The following CFD variants were observed in gnomAD, a reference collection of about 807,000 sequenced individuals.
The protein encoded by CFD is C3 convertase activator.
Under a neutral mutation model 21.1 loss-of-function variants are expected in CFD, and 24 were observed. The observed-to-expected ratio is 1.14, with a 90% CI of 0.82 to 1.60. CFD has a LOEUF of 1.60. CFD is among the 40% of genes most tolerant of loss of function. The pLI is 0.00. For missense variants in CFD, 535 were observed against 383.3 expected (o/e 1.40, Z -3.31); for synonymous variants, 242 against 175.9 (o/e 1.38, Z -2.97).
chr19:863,037 C>T (rs1228883372), intron 4 of CFD, 55 bp from the exon 5 acceptor site: 8 of 1,466,788 alleles, frequency 5.5e-6, no homozygotes, highest in African/African-American at 2.8e-5. Flanking sequence ...GGGTCTAACA[C>T]GTGAGGCCGG....
chr19:860,042 A>G (rs1283126154), intron 1 of CFD, among the ~76,000 whole-genome samples: 2 of 152,036 alleles, frequency 1.3e-5, no homozygotes, highest in Non-Finnish European at 2.9e-5. Context: ...CTTATGTCCA[A>G]CTGGAAGGCA....
At position 863,453 on chromosome 19, in the gene CFD, A is replaced by G; in HGVS notation, c.*215A>G. 1 of 611,604 alleles carries G rather than the reference A, an allele frequency of 1.6e-6. No individual in the cohort carries two copies. Among genetic ancestry groups the G allele is most frequent in the Non-Finnish European group, 2.9e-6 (1 of 342,504 alleles). 37.9% of individuals were successfully genotyped at this position (611,604 alleles called of 1,614,324 possible). On this transcript the variant is annotated 3_prime_UTR_variant, in exon 5 of 5. Coordinates refer to ENST00000327726, the MANE Select transcript of CFD (RefSeq NM_001928.4). ...AAATAAATAAAAAATTAGCTGGGCAATTGGCGGGCATGGAGGTGGGTGCTT... is the reference window on the plus strand; with the variant it reads ...AAATAAATAAAAAATTAGCTGGGCAGTTGGCGGGCATGGAGGTGGGTGCTT...
Position 863,203 on chromosome 19 carries a change from A to C in CFD, c.727A>C (p.Ser243Arg). 1 of 1,541,406 alleles carries C rather than the reference A, an allele frequency of 6.5e-7. No homozygotes were observed. The highest frequency in any genetic ancestry group is 8.7e-7 in the Non-Finnish European group (1 of 1,149,430). The change falls in exon 5 of 5, where the codon AGC becomes CGC. Residue 243 changes from serine (S) to arginine (R), a missense_variant. Physicochemically the swap from Ser to Arg is moderately radical, Grantham distance 110. Coordinates refer to ENST00000327726, the MANE Select transcript of CFD (RefSeq NM_001928.4). Reference sequence around the variant, plus strand: ...GCCCGGGATCTACACCCGCGTGGCGAGCTATGCGGCCTGGATCGACAGCGT... The same window carrying C: ...GCCCGGGATCTACACCCGCGTGGCGCGCTATGCGGCCTGGATCGACAGCGT... ...KKPGIYTRVA[S>R]YAAWIDSVLA
chr19:859,693 C>T lies in CFD; in HGVS notation c.4C>T (p.His2Tyr), dbSNP rs979752274. The change falls in exon 1 of 5, where the codon CAC becomes TAC. Residue 2 changes from histidine (H) to tyrosine (Y), a missense_variant. Transcript: ENST00000327726. M[H>Y]SWERLAVLVL... ...TCTCAGCCACAGCGGCTTCACCATG[C>T]ACAGCTGGGAGCGCCTGGCAGTTCT... The T allele has an allele frequency of 3.7e-5, 58 of 1,569,122 alleles. No homozygotes were observed. The highest frequency in any genetic ancestry group is 5.0e-5 in the Non-Finnish European group (58 of 1,157,540).
In CFD at chr19:862,049, G is replaced by A. The variant is rs1418896380; in HGVS notation, c.615+93G>A. On this transcript the variant is annotated intron_variant, in intron 4 of 4. Coordinates refer to ENST00000327726, the MANE Select transcript of CFD (RefSeq NM_001928.4). Reference sequence around the variant, plus strand: ...CGAAGCGGGGGGCAAGTAGGAACAGGGCCCAGGGAAGGGGCGGGGCGCGTA... The same window carrying A: ...CGAAGCGGGGGGCAAGTAGGAACAGAGCCCAGGGAAGGGGCGGGGCGCGTA... The A allele has an allele frequency of 1.5e-5, 22 of 1,474,106 alleles. No homozygotes were observed. The East Asian group carries it at 3.0e-4, about 20-fold the overall frequency. 91.3% of individuals were successfully genotyped at this position (1,474,106 alleles called of 1,614,324 possible).
chr19:860,781 C>A lies in CFD; in HGVS notation c.212+8C>A. 6.4e-7 allele frequency: 1 copy of A among 1,562,838 alleles called. No homozygotes were observed. Among genetic ancestry groups the A allele is most frequent in the Non-Finnish European group, 8.6e-7 (1 of 1,163,030 alleles). On this transcript the variant is annotated splice_region_variant and intron_variant, in intron 2 of 4. Transcript: ENST00000327726. ...GCACTGCCTGGAGGACGCGTGAGTG[C>A]CCGCGCCGCGCGGGGGAAGAGCCCG...
Position 860,687 on chromosome 19 carries a change from G to T in CFD, c.126G>T (p.Ser42=), listed in dbSNP as rs960301536. The change falls in exon 2 of 5, where the codon TCG becomes TCT. Residue 42 remains serine, a synonymous_variant. Coordinates refer to ENST00000327726, the MANE Select transcript of CFD (RefSeq NM_001928.4). ...CGCACGCGCGGCCCTACATGGCGTC[G>T]GTGCAGCTGAACGGCGCGCACCTGT... ...AEAHARPYMA[S]VQLNGAHLCG... 3.2e-6 allele frequency: 5 copies of T among 1,543,588 alleles called. No individual in the cohort carries two copies. Among genetic ancestry groups the T allele is most frequent in the Non-Finnish European group, 2.6e-6 (3 of 1,155,026 alleles).
In CFD at chr19:861,692, C is replaced by T. The variant is rs193047313; in HGVS notation, c.358-7C>T. The T allele has an allele frequency of 6.9e-4, 1,110 of 1,597,764 alleles. 11 individuals are homozygous for T. The African/African-American group carries it at 0.014, about 20-fold the overall frequency. On this transcript the variant is annotated splice_region_variant and splice_polypyrimidine_tract_variant and intron_variant, in intron 3 of 4. Coordinates refer to ENST00000327726, the MANE Select transcript of CFD (RefSeq NM_001928.4). ...ACCCCAACCCTGACGTCCGCCTCCA[C>T]CCTCAGCTGTCGGAGAAGGCCACAC...
chr19:860,791 GCGGGGGAAGAGCC>G lies in CFD; in HGVS notation c.212+23_212+35del. 1.3e-6 allele frequency: 2 copies of G among 1,560,198 alleles called. No homozygotes were observed. The highest frequency in any genetic ancestry group is 1.7e-6 in the Non-Finnish European group (2 of 1,161,356). Reference sequence around the variant, plus strand: ...GAGGACGCGTGAGTGCCCGCGCCGCGCGGGGGAAGAGCCCGGGTGCGGTGGGGGGAGTCGGCTG... The same window carrying G: ...GAGGACGCGTGAGTGCCCGCGCCGCGCGGGTGCGGTGGGGGGAGTCGGCTG... On this transcript the variant is annotated intron_variant, in intron 2 of 4. Coordinates refer to ENST00000327726, the MANE Select transcript of CFD (RefSeq NM_001928.4).
In CFD at chr19:863,357, G is replaced by C. The variant is rs1035605269; in HGVS notation, c.*119G>C. On this transcript the variant is annotated 3_prime_UTR_variant, in exon 5 of 5. Transcript: ENST00000327726. ...CCTACTATATGCAGAAGGGGAGGCC[G>C]AGGTGGGAGGATCATTGGATCTCAG... The C allele has an allele frequency of 1.7e-6, 2 of 1,185,542 alleles. No homozygotes were observed. The highest frequency in any genetic ancestry group is 1.2e-6 in the Non-Finnish European group (1 of 830,160). The allele number at this position is 1,185,542 out of a possible 1,614,324, so 73.4% of individuals were successfully genotyped here.
intron 3 of CFD, 24 bp downstream of exon 3, chr19:861,029 C>T (rs2035784147): frequency 6.3e-7 from 1 of 1,594,288 alleles, no homozygotes; most frequent in Non-Finnish European, 8.5e-7. Context: ...AGCGCAGTCC[C>T]TCCTGCGGCG....
In CFD at chr19:860,782, C is replaced by T; in HGVS notation, c.212+9C>T. ...CACTGCCTGGAGGACGCGTGAGTGC[C>T]CGCGCCGCGCGGGGGAAGAGCCCGG... On this transcript the variant is annotated intron_variant, in intron 2 of 4. Coordinates refer to ENST00000327726, the MANE Select transcript of CFD (RefSeq NM_001928.4). 1 of 1,562,642 alleles carries T rather than the reference C, an allele frequency of 6.4e-7. No individual in the cohort carries two copies. The highest frequency in any genetic ancestry group is 1.2e-5 in the South Asian group (1 of 86,930).
At position 860,865 on chromosome 19, in the gene CFD, G is replaced by A. The variant is rs776528959; in HGVS notation, c.217G>A (p.Asp73Asn). The change falls in exon 3 of 5, where the codon GAC becomes AAC. Residue 73 changes from aspartate to asparagine, a missense_variant. By Grantham distance (23) the Asp-to-Asn change is conservative. Coordinates refer to ENST00000327726, the MANE Select transcript of CFD (RefSeq NM_001928.4). ...CGGACTCCGTCCGGTCCCCAGGGCC[G>A]ACGGGAAGGTGCAGGTTCTCCTGGG... Reference protein sequence around the residue: ...SAAHCLEDAADGKVQVLLGAH... With the variant: ...SAAHCLEDAANGKVQVLLGAH... 3.2e-6 allele frequency: 5 copies of A among 1,572,406 alleles called. No homozygotes were observed. Among genetic ancestry groups the A allele is most frequent in the East Asian group, 2.3e-5 (1 of 42,786 alleles).
rs1599304590 is a variant in CFD, at chr19:863,633, G to C, written c.*395G>C. 1 of 205,798 alleles carries C rather than the reference G, an allele frequency of 4.9e-6. No individual in the cohort carries two copies. The highest frequency in any genetic ancestry group is 1.3e-4 in the East Asian group (1 of 7,728). 12.7% of individuals were successfully genotyped at this position (205,798 alleles called of 1,614,324 possible). A position where few individuals can be genotyped will look rare whatever the true frequency, so the allele number is the denominator to read the frequency against. On this transcript the variant is annotated 3_prime_UTR_variant, in exon 5 of 5. Coordinates refer to ENST00000327726, the MANE Select transcript of CFD (RefSeq NM_001928.4). ...CAAAAAAAAAAAAAAAATTCTGCGTGGTGGCTCACGCCTGTAATCCCAGCA... is the reference window on the plus strand; with the variant it reads ...CAAAAAAAAAAAAAAAATTCTGCGTCGTGGCTCACGCCTGTAATCCCAGCA...
At position 861,843 on chromosome 19, in the gene CFD, C is replaced by T; in HGVS notation, c.502C>T (p.His168Tyr). The part of the protein sequence containing the change: ...HAGRRPDSLQ[H>Y]VLLPVLDRAT... The stretch of plus-strand genomic sequence containing the variant: ...GGGCCGCCGCCCGGACAGCCTGCAG[C>T]ACGTGCTCTTGCCAGTGCTGGACCG... Residue 168 changes from histidine (H) to tyrosine (Y), a missense_variant, in exon 4 of 5, where the codon CAC (histidine) becomes TAC (tyrosine). His to Tyr is a moderately conservative substitution (Grantham distance 83). Transcript: ENST00000327726. The T allele has an allele frequency of 6.2e-7, 1 of 1,600,070 alleles. No homozygotes were observed. Among genetic ancestry groups the T allele is most frequent in the Non-Finnish European group, 8.5e-7 (1 of 1,178,518 alleles).
At chr19:860,430 ACC>A (rs57197777) in intron 1 of CFD, among the ~76,000 whole-genome samples, 185 bp from the exon 2 acceptor site, 2 of 140,380 alleles carry the variant, frequency 1.4e-5, no homozygotes, top group African/African-American at 5.3e-5. Context: ...CATGATCTGC[ACC>A]CCCCCCTCCC....
At position 860,784 on chromosome 19, in the gene CFD, G is replaced by A. The variant is rs182067009; in HGVS notation, c.212+11G>A. On this transcript the variant is annotated intron_variant, in intron 2 of 4. Transcript: ENST00000327726. ...CTGCCTGGAGGACGCGTGAGTGCCC[G>A]CGCCGCGCGGGGGAAGAGCCCGGGT... 2,833 of 1,561,726 alleles carry A rather than the reference G, an allele frequency of 1.8e-3. 34 individuals carry two copies. The African/African-American group carries it at 0.027, about 15-fold the overall frequency.
At position 861,752 on chromosome 19, in the gene CFD, C is replaced by A; in HGVS notation, c.411C>A (p.Arg137=). 2.5e-6 allele frequency: 4 copies of A among 1,605,690 alleles called. No homozygotes were observed. The highest frequency in any genetic ancestry group is 3.4e-6 in the Non-Finnish European group (4 of 1,178,258). ...CTGTGCGCCCCCTGCCCTGGCAGCG[C>A]GTGGACCGCGACGTGGCACCGGGAA... ...GPAVRPLPWQ[R]VDRDVAPGTL... is the part of the protein sequence containing the mutation. Residue 137 remains arginine (R), a synonymous_variant, in exon 4 of 5, where the codon CGC becomes CGA. Coordinates refer to ENST00000327726, the MANE Select transcript of CFD (RefSeq NM_001928.4).
intron 4 of CFD, 140 bp from the exon 5 acceptor site, chr19:862,952 A>C: frequency 1.2e-6 from 1 of 827,522 alleles, no homozygotes. Context: ...GCGCGGGGCT[A>C]TTGACTAGTG....
Sources: gnomAD v4.1 joint callset for allele counts (sites outside exome capture counted in the v4.1 genomes callset) on GRCh38, gnomAD v4.1.1 for gene constraint, MANE v1.5 for transcripts, NCBI Gene and HGNC (gene_info 2026-07-23, HGNC 2026-07-21) for gene names.